FBXO8: variants seen among roughly 807,000 people sequenced by gnomAD.
FBXO8 encodes the protein F-box only protein 8.
Under a neutral mutation model 33.4 loss-of-function variants are expected in FBXO8, and 15 were observed. The observed-to-expected ratio is 0.45, with a 90% CI of 0.30 to 0.69. FBXO8 has a LOEUF of 0.69. FBXO8 is among the 30% of genes least tolerant of loss of function. The pLI is 0.08. For missense variants in FBXO8, 274 were observed against 380.3 expected, an observed-to-expected ratio of 0.72 and a Z score of 2.32; for synonymous variants, 132 against 131.5, an observed-to-expected ratio of 1.00 and a Z score of -0.02.
chr4:174,266,777 T>C (rs1249529297), intron 1 of FBXO8, among the ~76,000 whole-genome samples: 2 of 152,188 alleles, frequency 1.3e-5, no homozygotes, highest in Admixed American at 6.5e-5. Flanking sequence ...AAAATAATAA[T>C]GATAAAAATG....
At chr4:174,244,244 C>T (rs1248365469) in intron 3 of FBXO8, among the ~76,000 whole-genome samples, 2 of 151,484 alleles carry the variant, frequency 1.3e-5, no homozygotes, top group African/African-American at 4.8e-5. Flanking sequence ...AATAGAGTTC[C>T]ATCTAAGGAC....
In FBXO8 at chr4:174,263,954, T is replaced by C. The variant is rs1384067471; in HGVS notation, c.-8-854A>G. On this transcript the variant is annotated intron_variant, in intron 1 of 5. Coordinates refer to ENST00000393674, the MANE Select transcript of FBXO8 (RefSeq NM_012180.3). The surrounding 1 kb of genome is among the most constrained non-coding windows in gnomAD (Gnocchi z 4.2). ...TATTAGAAAATTCCTAGAGCTAGAT[T>C]TGGCATTGCCTTTAAATAGCTTTTC... Among the ~76,000 whole-genome samples the C allele has an allele frequency of 6.6e-6, 1 of 152,162 alleles. No individual in the cohort carries two copies. Among genetic ancestry groups the C allele is most frequent in the Non-Finnish European group, 1.5e-5 (1 of 68,022 alleles).
Position 174,257,542 on chromosome 4 carries a change from A to T in FBXO8, c.456+2157T>A, listed in dbSNP as rs1366773722. Among the ~76,000 whole-genome samples the T allele has an allele frequency of 6.6e-6, 1 of 152,192 alleles. No homozygotes were observed. Among genetic ancestry groups the T allele is most frequent in the Non-Finnish European group, 1.5e-5 (1 of 68,030 alleles). ...ATGGGCATAATAAGACTGGGGCTTA[A>T]AACAGCTGCCTCTCCTGATTCTTAT... On this transcript the variant is annotated intron_variant, in intron 3 of 5. Transcript: ENST00000393674. This position sits in a 1 kb window ranked among gnomAD's most constrained non-coding sequence, Gnocchi z 4.3.
At position 174,256,878 on chromosome 4, in the gene FBXO8, G is replaced by A. The variant is rs1736428070; in HGVS notation, c.456+2821C>T. The stretch of plus-strand genomic sequence containing the variant: ...TTAGAATGATAAATTCAGTGCCTCT[G>A]GAATGTTCCAGAGTATCTTTAAATC... On this transcript the variant is annotated intron_variant, in intron 3 of 5. Coordinates refer to ENST00000393674, the MANE Select transcript of FBXO8 (RefSeq NM_012180.3). The surrounding 1 kb of genome is among the most constrained non-coding windows in gnomAD (Gnocchi z 4.6). 6.6e-6 allele frequency among the ~76,000 whole-genome samples: 1 copy of A among 151,488 alleles called. No individual in the cohort carries two copies. Among genetic ancestry groups the A allele is most frequent in the Non-Finnish European group, 1.5e-5 (1 of 67,922 alleles).
At chr4:174,268,960 A>G (rs1023494574) in intron 1 of FBXO8, 2 of 152,272 alleles carry the variant, frequency 1.3e-5, no homozygotes, top group Non-Finnish European at 2.9e-5. Context: ...TTTGGGAGAT[A>G]CAAATAAATG....
At position 174,263,307 on chromosome 4, in the gene FBXO8, C is replaced by T. The variant is rs115616311; in HGVS notation, c.-8-207G>A. On this transcript the variant is annotated intron_variant, in intron 1 of 5. Transcript: ENST00000393674. This position sits in a 1 kb window ranked among gnomAD's most constrained non-coding sequence, Gnocchi z 4.2. ...GACAAAGTTTCAGAATTACTTGGTT[C>T]GATCATCACCTTTATCCCAGTTTGC... 2.5e-3 allele frequency among the ~76,000 whole-genome samples: 387 copies of T among 152,202 alleles called. No homozygotes were observed. The highest frequency in any genetic ancestry group is 8.4e-3 in the African/African-American group (350 of 41,534).
In FBXO8 at chr4:174,245,090, T is replaced by C. The variant is rs1015488932; in HGVS notation, c.457-3872A>G. Among the ~76,000 whole-genome samples the C allele has an allele frequency of 8.6e-5, 13 of 151,864 alleles. No homozygotes were observed. The highest frequency in any genetic ancestry group is 3.1e-4 in the African/African-American group (13 of 41,410). Reference sequence around the variant, plus strand: ...GAAACATATTAAACACAAGGTGTGATATGCAAGGTATTCAGTGATAGACAC... The same window carrying C: ...GAAACATATTAAACACAAGGTGTGACATGCAAGGTATTCAGTGATAGACAC... On this transcript the variant is annotated intron_variant, in intron 3 of 5. Transcript: ENST00000393674. The surrounding 1 kb of genome is among the most constrained non-coding windows in gnomAD (Gnocchi z 4.6).
At position 174,247,335 on chromosome 4, in the gene FBXO8, G is replaced by A. The variant is rs936354127; in HGVS notation, c.457-6117C>T. 2.0e-5 allele frequency among the ~76,000 whole-genome samples: 3 copies of A among 151,786 alleles called. No homozygotes were observed. The highest frequency in any genetic ancestry group is 2.1e-4 in the South Asian group (1 of 4,818). ...TTTTCCTAAAGAACAACATAGTAAAGAAATTTAGAAAAAAATTTGATTTAG... is the reference window on the plus strand; with the variant it reads ...TTTTCCTAAAGAACAACATAGTAAAAAAATTTAGAAAAAAATTTGATTTAG... On this transcript the variant is annotated intron_variant, in intron 3 of 5. Coordinates refer to ENST00000393674, the MANE Select transcript of FBXO8 (RefSeq NM_012180.3). This position sits in a 1 kb window ranked among gnomAD's most constrained non-coding sequence, Gnocchi z 4.6.
rs1736191739 is a variant in FBXO8, at chr4:174,247,725, C to T, written c.457-6507G>A. 6.6e-6 allele frequency among the ~76,000 whole-genome samples: 1 copy of T among 151,964 alleles called. No individual in the cohort carries two copies. The highest frequency in any genetic ancestry group is 6.6e-5 in the Admixed American group (1 of 15,206). On this transcript the variant is annotated intron_variant, in intron 3 of 5. Transcript: ENST00000393674. This position sits in a 1 kb window ranked among gnomAD's most constrained non-coding sequence, Gnocchi z 4.6. ...TGAAGATAATGTAAAAATTAAGTGA[C>T]ACAATATACGTTATTAATAGTAAAA...
Position 174,270,772 on chromosome 4 carries a change from C to T in FBXO8, c.-8-7672G>A, listed in dbSNP as rs775586857. On this transcript the variant is annotated intron_variant, in intron 1 of 5. Coordinates refer to ENST00000393674, the MANE Select transcript of FBXO8 (RefSeq NM_012180.3). This position sits in a 1 kb window ranked among gnomAD's most constrained non-coding sequence, Gnocchi z 4.6. The stretch of plus-strand genomic sequence containing the variant: ...CTGGGATTACAGGCACCTGCCACCA[C>T]GCCTGGCTAATTTTTGTATTTTTAG... Among the ~76,000 whole-genome samples, 6 of 152,002 alleles carry T rather than the reference C, an allele frequency of 3.9e-5. No individual in the cohort carries two copies. Among genetic ancestry groups the T allele is most frequent in the Admixed American group, 3.9e-4 (6 of 15,258 alleles).
At chr4:174,273,212 A>T (rs1181685437) in intron 1 of FBXO8, among the ~76,000 whole-genome samples, 1 of 152,012 alleles carries the variant, frequency 6.6e-6, no homozygotes, top group Non-Finnish European at 1.5e-5. Flanking sequence ...ACTTGAAGCC[A>T]GGAATTGGAG....
chr4:174,241,951 C>A lies in FBXO8; in HGVS notation c.457-733G>T, dbSNP rs1024925577. On this transcript the variant is annotated intron_variant, in intron 3 of 5. Transcript: ENST00000393674. This position sits in a 1 kb window ranked among gnomAD's most constrained non-coding sequence, Gnocchi z 4.2. ...TTTTACCTACTTTAGATTTAAACCA[C>A]CACCAACAAAACACCACCAACAAAA... Among the ~76,000 whole-genome samples the A allele has an allele frequency of 6.6e-5, 10 of 151,378 alleles. No individual in the cohort carries two copies. Among genetic ancestry groups the A allele is most frequent in the African/African-American group, 2.2e-4 (9 of 41,294 alleles).
At chr4:174,276,787 A>G (rs1579039939) in intron 1 of FBXO8, among the ~76,000 whole-genome samples, 1 of 152,346 alleles carries the variant, frequency 6.6e-6, no homozygotes, top group South Asian at 2.1e-4. Flanking sequence ...TTTTGACACT[A>G]CTACTGTGGA....
chr4:174,271,273 G>C (rs1203530383), intron 1 of FBXO8, among the ~76,000 whole-genome samples: 1 of 152,210 alleles, frequency 6.6e-6, no homozygotes, highest in Non-Finnish European at 1.5e-5. Context: ...CGTATGGAGA[G>C]GGAAGCAGAA....
intron 1 of FBXO8, among the ~76,000 whole-genome samples, chr4:174,264,795 TAA>T (rs70947422): frequency 3.5e-5 from 5 of 142,468 alleles, no homozygotes; most frequent in African/African-American, 1.0e-4. Flanking sequence ...ATAAAATTCT[TAA>T]AAAAAAAAAA....
chr4:174,277,961 A>C lies in FBXO8; in HGVS notation c.-9+5449T>G, dbSNP rs1736993288. ...TTATTCAATAGCATAAGAACATGGG[A>C]GAGTCTATGAGAAAATATTTTCTGA... On this transcript the variant is annotated intron_variant, in intron 1 of 5. Transcript: ENST00000393674. This position sits in a 1 kb window ranked among gnomAD's most constrained non-coding sequence, Gnocchi z 4.9. Among the ~76,000 whole-genome samples the C allele has an allele frequency of 6.6e-6, 1 of 152,134 alleles. No homozygotes were observed. Among genetic ancestry groups the C allele is most frequent in the South Asian group, 2.1e-4 (1 of 4,828 alleles).
At chr4:174,269,838 C>A (rs1260343684) in intron 1 of FBXO8, among the ~76,000 whole-genome samples, 2 of 152,160 alleles carry the variant, frequency 1.3e-5, no homozygotes, top group East Asian at 3.8e-4. Flanking sequence ...AATGAAGCAA[C>A]AGCCAAATAG....
Position 174,245,124 on chromosome 4 carries a change from G to A in FBXO8, c.457-3906C>T, listed in dbSNP as rs995454611. Reference sequence around the variant, plus strand: ...TATTCAGTGATAGACACTGAGTAGTGTAACACAGAGTTTTGCCCTAAGAAA... The same window carrying A: ...TATTCAGTGATAGACACTGAGTAGTATAACACAGAGTTTTGCCCTAAGAAA... On this transcript the variant is annotated intron_variant, in intron 3 of 5. Coordinates refer to ENST00000393674, the MANE Select transcript of FBXO8 (RefSeq NM_012180.3). The surrounding 1 kb of genome is among the most constrained non-coding windows in gnomAD (Gnocchi z 4.6). Among the ~76,000 whole-genome samples the A allele has an allele frequency of 4.0e-5, 6 of 151,846 alleles. No individual in the cohort carries two copies. Among genetic ancestry groups the A allele is most frequent in the Non-Finnish European group, 8.8e-5 (6 of 67,856 alleles).
At position 174,239,085 on chromosome 4, in the gene FBXO8, A is replaced by C; in HGVS notation, c.681T>G (p.Arg227=). The C allele has an allele frequency of 6.2e-7, 1 of 1,609,420 alleles. No individual in the cohort carries two copies. The highest frequency in any genetic ancestry group is 1.1e-5 in the South Asian group (1 of 90,444). ...TTATAAGAGTTTCAAGATACTCTCCACGCTCTTCAGGGGCATGGATATGAC... is the reference window on the plus strand; with the variant it reads ...TTATAAGAGTTTCAAGATACTCTCCCCGCTCTTCAGGGGCATGGATATGAC... The part of the protein sequence containing the change: ...FFRHIHAPEE[R]GEYLETLITK... The change falls in exon 5 of 6, where the codon CGT becomes CGG. Residue 227 remains arginine (R), a synonymous_variant. Coordinates refer to ENST00000393674, the MANE Select transcript of FBXO8 (RefSeq NM_012180.3).
Sources: allele counts gnomAD v4.1 joint callset (sites outside exome capture counted in the v4.1 genomes callset), GRCh38; gene constraint gnomAD v4.1.1; non-coding constraint Gnocchi (gnomAD v3.1); transcripts MANE v1.5; gene names NCBI Gene and HGNC (gene_info 2026-07-23, HGNC 2026-07-21).